Variants in BST1 observed in about 807,000 individuals in gnomAD.
The protein encoded by BST1 is ADP-ribosyl cyclase/cyclic ADP-ribose hydrolase 2.
BST1 carries 49 observed loss-of-function variants against 40.6 expected under a neutral mutation model. The ratio of observed to expected loss-of-function variants is 1.21; its 90% CI spans 0.96 to 1.53. The LOEUF (loss-of-function observed/expected upper bound fraction) is 1.53. BST1 is among the 40% of genes most tolerant of loss of function. BST1 has a pLI of 0.00. For missense variants in BST1, 423 were observed against 395.9 expected (o/e 1.07, Z -0.58); for synonymous variants, 157 against 159.3 (o/e 0.99, Z 0.11).
intron 5 of BST1, 27 bp from the exon 6 acceptor site, chr4:15,715,680 T>C: frequency 6.8e-7 from 1 of 1,470,812 alleles, no homozygotes. Flanking sequence ...ATCATATTGC[T>C]TTAGGGCTTC....
the BST1 span, among the ~76,000 whole-genome samples, chr4:15,744,839 G>A: frequency 3.9e-5 from 6 of 152,148 alleles, no homozygotes; most frequent in South Asian, 8.3e-4. Flanking sequence ...GATAATGAAT[G>A]TTCAAAGCTC....
chr4:15,750,228 T>C, the BST1 span, among the ~76,000 whole-genome samples: 1 of 152,176 alleles, frequency 6.6e-6, no homozygotes, highest in Non-Finnish European at 1.5e-5. Context: ...TTTCACTCTG[T>C]TGTCCAGGCT....
intron 7 of BST1, among the ~76,000 whole-genome samples, chr4:15,720,466 A>G (rs1720747578): frequency 6.6e-6 from 1 of 151,836 alleles, no homozygotes; most frequent in African/African-American, 2.4e-5. Flanking sequence ...AAAATACAAA[A>G]ATTAGCCGCG....
downstream of BST1, among the ~76,000 whole-genome samples, chr4:15,741,987 A>G (rs531315643): frequency 9.8e-5 from 15 of 152,330 alleles, no homozygotes; most frequent in East Asian, 2.3e-3. Flanking sequence ...CTTCACCAAC[A>G]TACAGTACAA....
At chr4:15,726,872 T>A (rs998825189) in intron 8 of BST1, among the ~76,000 whole-genome samples, 6 of 136,304 alleles carry the variant, frequency 4.4e-5, no homozygotes, top group Non-Finnish European at 6.0e-5. Context: ...CCTCGGTATT[T>A]TTTTTTTTTT....
downstream of BST1, chr4:15,737,755 T>A: frequency 7.8e-7 from 1 of 1,281,982 alleles, no homozygotes; most frequent in Non-Finnish European, 1.0e-6. Context: ...CACGATAGAC[T>A]TGGTAACAAG....
At chr4:15,745,693 A>C in the BST1 span, among the ~76,000 whole-genome samples, 1 of 152,114 alleles carries the variant, frequency 6.6e-6, no homozygotes, top group African/African-American at 2.4e-5. Flanking sequence ...CATGGGCTGT[A>C]CTTCTTTCAT....
chr4:15,721,898 A>G (rs1410444247), intron 7 of BST1, among the ~76,000 whole-genome samples: 1 of 152,136 alleles, frequency 6.6e-6, no homozygotes, highest in Admixed American at 6.5e-5. Context: ...AGACAACAAT[A>G]TCACGTTCCT....
At chr4:15,770,409 T>C in the BST1 span, among the ~76,000 whole-genome samples, 1 of 151,936 alleles carries the variant, frequency 6.6e-6, no homozygotes, top group African/African-American at 2.4e-5. Flanking sequence ...AAAGGCTTCC[T>C]AAAAACTACT....
the BST1 span, among the ~76,000 whole-genome samples, chr4:15,749,337 C>T: frequency 0.017 from 2,516 of 152,222 alleles, 76 homozygotes; most frequent in African/African-American, 0.055. Context: ...CTGCTACGAG[C>T]GGGTTTTCTG....
At chr4:15,757,267 C>T in the BST1 span, among the ~76,000 whole-genome samples, 73 of 152,234 alleles carry the variant, frequency 4.8e-4, no homozygotes, top group African/African-American at 1.5e-3. Context: ...CCTGTGCCAA[C>T]GTGTGTAGTT....
rs182188887 is a variant in BST1 at position 15,707,781 on chromosome 4, G to A, written c.451+135G>A. On this transcript the variant is annotated intron_variant, in intron 3 of 8. Coordinates refer to ENST00000265016, the MANE Select transcript of BST1 (RefSeq NM_004334.3). Reference sequence around the variant, plus strand: ...TCCTCTGAGATAAGTGGCAAGAATAGTTAATAATAACAATACTAGAGAATA... The same window carrying A: ...TCCTCTGAGATAAGTGGCAAGAATAATTAATAATAACAATACTAGAGAATA... The A allele has an allele frequency of 5.6e-4, 606 of 1,075,632 alleles. 1 individual carries two copies. The highest frequency in any genetic ancestry group is 7.3e-4 in the Non-Finnish European group (567 of 777,756). 66.6% of individuals were successfully genotyped at this position (1,075,632 alleles called of 1,614,324 possible). A position where few individuals can be genotyped will look rare whatever the true frequency, so the allele number is the denominator to read the frequency against.
At chr4:15,773,537 G>A in the BST1 span, among the ~76,000 whole-genome samples, 21 of 152,168 alleles carry the variant, frequency 1.4e-4, no homozygotes, top group Non-Finnish European at 2.5e-4. Context: ...GGACTTAGAT[G>A]TTATGGACCA....
rs779256447 is a variant in BST1, at chr4:15,715,762, G to A, written c.667G>A (p.Glu223Lys). The change falls in exon 6 of 9, where the codon GAG becomes AAG. Residue 223 changes from glutamate to lysine, a missense_variant. Transcript: ENST00000265016. ...CCAGAAGGAAAAAATTACACGAATC[G>A]AGATCTGGGTTATGCATGAAATTGG... ...NLQKEKITRI[E>K]IWVMHEIGGP... 4.4e-6 allele frequency: 7 copies of A among 1,600,294 alleles called. No individual in the cohort carries two copies. Among genetic ancestry groups the A allele is most frequent in the East Asian group, 2.2e-5 (1 of 44,550 alleles).
At chr4:15,746,928 C>G in the BST1 span, among the ~76,000 whole-genome samples, 8 of 152,296 alleles carry the variant, frequency 5.3e-5, no homozygotes, top group East Asian at 1.2e-3. Flanking sequence ...GGTCTTGTAG[C>G]AGTGACAGCT....
downstream of BST1, among the ~76,000 whole-genome samples, chr4:15,740,059 G>T (rs1560292743): frequency 6.6e-6 from 1 of 151,990 alleles, no homozygotes; most frequent in Admixed American, 6.6e-5. Flanking sequence ...AACTAAATTA[G>T]TTGGGGGCAG....
intron 2 of BST1, 115 bp from the exon 3 acceptor site, chr4:15,707,396 A>G: frequency 8.6e-7 from 1 of 1,156,674 alleles, no homozygotes; most frequent in Non-Finnish European, 1.3e-6. Flanking sequence ...GTTGTTGTGC[A>G]GCAGGTCAGA....
the BST1 span, among the ~76,000 whole-genome samples, chr4:15,755,536 G>A: frequency 1.3e-5 from 2 of 152,316 alleles, no homozygotes; most frequent in Non-Finnish European, 2.9e-5. Flanking sequence ...TAGAAATGGG[G>A]TCAGTGAGTC....
chr4:15,717,764 G>A (rs1311516989), intron 6 of BST1, among the ~76,000 whole-genome samples: 1 of 152,202 alleles, frequency 6.6e-6, no homozygotes, highest in Non-Finnish European at 1.5e-5. Context: ...GAGAAAGTAT[G>A]AAAATATGTT....
Sources: gnomAD v4.1 joint callset for allele counts (sites outside exome capture counted in the v4.1 genomes callset) on GRCh38, gnomAD v4.1.1 for gene constraint, MANE v1.5 for transcripts, NCBI Gene and HGNC (gene_info 2026-07-23, HGNC 2026-07-21) for gene names.